The following LRRC37A2 variants were observed in gnomAD, a reference collection of about 807,000 sequenced individuals.
LRRC37A2 encodes the protein leucine rich repeat containing 37 member A2.
In LRRC37A2, 9 loss-of-function variants were observed where a neutral mutation model predicts 68.8. That is an observed-to-expected ratio of 0.13 (90% CI 0.08 to 0.23). The LOEUF is 0.23. Among genes scored for constraint, LRRC37A2 ranks in the 10% least tolerant of loss-of-function variants. The probability of loss-of-function intolerance (pLI) is 1.00; values close to 1 mark genes in which losing one functional copy is unlikely to be tolerated. For synonymous variants in LRRC37A2, 63 were observed against 367.6 expected (o/e 0.17, Z 9.48); for missense variants, 168 against 950.4 (o/e 0.18, Z 10.82).
the LRRC37A2 span, chr17:46,964,415 G>C: frequency 6.6e-6 from 1 of 152,306 alleles, no homozygotes; most frequent in Non-Finnish European, 1.5e-5. Context: ...GCCTCTGCGA[G>C]CCTCTAAGAG....
the LRRC37A2 span, among the ~76,000 whole-genome samples, chr17:46,490,890 T>C: frequency 6.6e-6 from 1 of 150,588 alleles, no homozygotes; most frequent in Non-Finnish European, 1.5e-5. Context: ...TTTTTTTTCT[T>C]TTGAGCAAAA....
chr17:46,943,277 C>G, the LRRC37A2 span, among the ~76,000 whole-genome samples: 2 of 152,124 alleles, frequency 1.3e-5, no homozygotes, highest in Non-Finnish European at 2.9e-5. Context: ...ATTGGGTGCC[C>G]CTCATTAACT....
chr17:46,943,816 A>G, the LRRC37A2 span, among the ~76,000 whole-genome samples: 1 of 152,270 alleles, frequency 6.6e-6, no homozygotes, highest in East Asian at 1.9e-4. Context: ...CCCGTGAGGG[A>G]AACTGTCACT....
At chr17:46,974,690 C>T in the LRRC37A2 span, among the ~76,000 whole-genome samples, 293 of 151,178 alleles carry the variant, frequency 1.9e-3, 1 homozygote, top group African/African-American at 6.9e-3. Context: ...GCCCAGATCG[C>T]ACCACTGCAC....
At chr17:46,767,779 T>TG in the LRRC37A2 span, among the ~76,000 whole-genome samples, 5 of 152,040 alleles carry the variant, frequency 3.3e-5, no homozygotes, top group African/African-American at 7.3e-5. Context: ...TTTTGTTTTT[T>TG]TTTGTTTGTT....
the LRRC37A2 span, among the ~76,000 whole-genome samples, chr17:46,744,867 T>C: frequency 6.6e-6 from 1 of 152,242 alleles, no homozygotes. Flanking sequence ...CTGCTTATGG[T>C]ACTAAGAATT....
chr17:46,978,839 G>T, the LRRC37A2 span: 18 of 1,602,524 alleles, frequency 1.1e-5, no homozygotes, highest in Non-Finnish European at 8.5e-7. Flanking sequence ...CGCTCGTCGG[G>T]CGCCAGCCCC....
the LRRC37A2 span, among the ~76,000 whole-genome samples, chr17:46,403,910 C>T: frequency 0.093 from 5,269 of 56,834 alleles, 425 homozygotes; most frequent in East Asian, 0.5. Flanking sequence ...CCGTGTTAGC[C>T]AGCATGGTCT....
the LRRC37A2 span, among the ~76,000 whole-genome samples, chr17:46,775,884 A>G: frequency 6.6e-6 from 1 of 152,018 alleles, no homozygotes; most frequent in Non-Finnish European, 1.5e-5. Context: ...AAGTGCTGGG[A>G]TTACAGGCGC....
At chr17:46,599,931 C>T in the LRRC37A2 span, among the ~76,000 whole-genome samples, 11 of 126,092 alleles carry the variant, frequency 8.7e-5, 1 homozygote, top group Non-Finnish European at 1.3e-4. Context: ...CTTTGTATTG[C>T]TCCTTTTTTT....
At chr17:46,775,674 C>G in the LRRC37A2 span, among the ~76,000 whole-genome samples, 1 of 143,654 alleles carries the variant, frequency 7.0e-6, no homozygotes, top group African/African-American at 2.7e-5. Flanking sequence ...AATGCAGTGA[C>G]GTGATCTCGG....
the LRRC37A2 span, among the ~76,000 whole-genome samples, chr17:46,844,368 A>G: frequency 1.3e-5 from 2 of 148,358 alleles, no homozygotes; most frequent in Admixed American, 6.8e-5. Context: ...AGATAAACCA[A>G]GGTTCGAGTC....
chr17:46,802,194 C>T, the LRRC37A2 span, among the ~76,000 whole-genome samples: 2 of 152,150 alleles, frequency 1.3e-5, no homozygotes, highest in Non-Finnish European at 2.9e-5. Flanking sequence ...AGCTGGCAGC[C>T]CCTAGGCAGC....
At chr17:46,990,824 C>T in the LRRC37A2 span, among the ~76,000 whole-genome samples, 781 of 152,280 alleles carry the variant, frequency 5.1e-3, 8 homozygotes, top group African/African-American at 0.018. Context: ...GCATGCACCA[C>T]CACACCCAGC....
chr17:46,828,175 C>T, the LRRC37A2 span, among the ~76,000 whole-genome samples: 7 of 152,040 alleles, frequency 4.6e-5, no homozygotes, highest in African/African-American at 1.7e-4. Flanking sequence ...CTGTCTCTCT[C>T]TTTTTTTCCT....
At chr17:46,751,491 T>C in the LRRC37A2 span, 29 of 1,602,252 alleles carry the variant, frequency 1.8e-5, 1 homozygote, top group Admixed American at 4.7e-4. Flanking sequence ...TTATTGTTTA[T>C]TGTTTTTGTA....
At chr17:46,929,760 C>G in the LRRC37A2 span, 3 of 601,512 alleles carry the variant, frequency 5.0e-6, no homozygotes, top group East Asian at 8.6e-5. Context: ...TGAGTGTGCC[C>G]TTTGGAATCC....
the LRRC37A2 span, among the ~76,000 whole-genome samples, chr17:46,981,298 A>T: frequency 0.61 from 93,064 of 151,600 alleles, 29,168 homozygotes; most frequent in African/African-American, 0.7. Flanking sequence ...TTGACCCCCA[A>T]TGTGGAGGTG....
chr17:46,793,272 T>TAAAAAAAAAAAAAAAA, the LRRC37A2 span, among the ~76,000 whole-genome samples: 1 of 41,950 alleles, frequency 2.4e-5, no homozygotes, highest in Non-Finnish European at 4.0e-5. Flanking sequence ...AGACCCTGTC[T>TAAAAAAAAAAAAAAAA]AAAAAAAAAA....
Sources: allele counts gnomAD v4.1 joint callset (sites outside exome capture counted in the v4.1 genomes callset), GRCh38; gene constraint gnomAD v4.1.1; transcripts MANE v1.5; gene names NCBI Gene and HGNC (gene_info 2026-07-23, HGNC 2026-07-21).